The following KRT72 variants were observed in gnomAD, a reference collection of about 807,000 sequenced individuals.
KRT72 encodes the protein keratin 72, also known as keratin, type II cytoskeletal 72.
Under a neutral mutation model 44.7 loss-of-function variants are expected in KRT72, and 44 were observed. That is an observed-to-expected ratio of 0.98 (90% CI 0.77 to 1.27). The LOEUF is 1.27. Among genes scored for constraint, KRT72 ranks in the 50% most tolerant of loss-of-function variants. KRT72 has a pLI of 0.00. For synonymous variants in KRT72, 302 were observed against 280.4 expected (o/e 1.08, Z -0.77); for missense variants, 736 against 667.1 (o/e 1.10, Z -1.14).
chr12:52,587,091 C>T, intron 7 of KRT72, 111 bp from the exon 8 acceptor site: 1 of 948,702 alleles, frequency 1.1e-6, no homozygotes. Context: ...TTCCCAAACC[C>T]ATCCTAGCCT....
Position 52,590,949 on chromosome 12 carries a change from G to A in KRT72, c.976C>T (p.Gln326Ter). The change falls in exon 6 of 9, where the codon CAG becomes TAG. Residue 326 changes from glutamine (Q) to a stop codon, truncating the protein, a stop_gained. Transcript: ENST00000293745. LOFTEE classifies it high-confidence loss of function. The part of the protein sequence containing the change: ...TLYQTKIQEL[Q>*]VTAGQHGDDL... ...TCCCCATGCTGGCCTGCTGTGACCT[G>A]CAGCTCCTGGATCTGAGGTTGGGTG... The A allele has an allele frequency of 6.3e-7, 1 of 1,594,542 alleles. No individual in the cohort carries two copies. The highest frequency in any genetic ancestry group is 8.6e-7 in the Non-Finnish European group (1 of 1,166,654).
At chr12:52,599,632 A>G (rs1015033021) in intron 1 of KRT72, among the ~76,000 whole-genome samples, 14 of 152,164 alleles carry the variant, frequency 9.2e-5, no homozygotes, top group African/African-American at 3.4e-4. Flanking sequence ...CCTCTGCCAC[A>G]CACCAGCATT....
chr12:52,596,834 A>G (rs1940243071), intron 2 of KRT72, among the ~76,000 whole-genome samples: 1 of 152,224 alleles, frequency 6.6e-6, no homozygotes, highest in Admixed American at 6.5e-5. Context: ...TACAGGCCAC[A>G]AGAAGTAAAC....
upstream of KRT72, among the ~76,000 whole-genome samples, chr12:52,602,648 C>G (rs939564566): frequency 7.2e-5 from 11 of 152,206 alleles, no homozygotes; most frequent in Non-Finnish European, 8.8e-5. Context: ...CTGGATTCAC[C>G]CTTCCCTCCT....
In KRT72 at chr12:52,585,882, G is replaced by T; in HGVS notation, c.*100C>A. On this transcript the variant is annotated 3_prime_UTR_variant, in exon 9 of 9. Coordinates refer to ENST00000293745, the MANE Select transcript of KRT72 (RefSeq NM_080747.3). ...AAATGGGGTTGGGACTGTAGTGACA[G>T]ACAAAGCATTTCTTGACTTGGAAAG... The T allele has an allele frequency of 1.8e-6, 2 of 1,107,508 alleles. No individual in the cohort carries two copies. Among genetic ancestry groups the T allele is most frequent in the Non-Finnish European group, 2.7e-6 (2 of 752,342 alleles). 68.6% of individuals were successfully genotyped at this position (1,107,508 alleles called of 1,614,324 possible).
chr12:52,592,860 G>C (rs759449460), intron 3 of KRT72, 32 bp downstream of exon 3: 1 of 1,604,550 alleles, frequency 6.2e-7, no homozygotes, highest in Non-Finnish European at 8.5e-7. Flanking sequence ...TCAGGTCTAG[G>C]CTTCTTCCAG....
chr12:52,586,594 T>C (rs1939757049), intron 8 of KRT72, among the ~76,000 whole-genome samples: 1 of 152,220 alleles, frequency 6.6e-6, no homozygotes, highest in African/African-American at 2.4e-5. Flanking sequence ...CTATTCCATC[T>C]CATTCATTCA....
rs369998532 is a variant in KRT72 at position 52,586,007 on chromosome 12, C to A, written c.1511G>T (p.Cys504Phe). 4 of 1,613,636 alleles carry A rather than the reference C, an allele frequency of 2.5e-6. No homozygotes were observed. The African/African-American group carries it at 5.3e-5, about 22-fold the overall frequency. The stretch of plus-strand genomic sequence containing the variant: ...TCATCTGGAGGCCTTTTTGGTGGCA[C>A]AGCTGCTCCCCGAGGTTTTGGCAAG... ...DPLAKTSGSS[C>F]ATKKASR is the part of the protein sequence containing the mutation. Residue 504 changes from cysteine (C) to phenylalanine (F), a missense_variant, in exon 9 of 9, where the codon TGT becomes TTT. Coordinates refer to ENST00000293745, the MANE Select transcript of KRT72 (RefSeq NM_080747.3).
At position 52,601,181 on chromosome 12, in the gene KRT72, A is replaced by G; in HGVS notation, c.272T>C (p.Val91Ala). The G allele has an allele frequency of 6.2e-7, 1 of 1,613,086 alleles. No individual in the cohort carries two copies. Among genetic ancestry groups the G allele is most frequent in the Non-Finnish European group, 8.5e-7 (1 of 1,179,476 alleles). ...CTGAGGGATGCCCCCGGGTGGGCACACGGAGGGACACTTGGGCCCCAGCCC... is the reference window on the plus strand; with the variant it reads ...CTGAGGGATGCCCCCGGGTGGGCACGCGGAGGGACACTTGGGCCCCAGCCC... ...SAGLGPKCPS[V>A]CPPGGIPQVT... The change falls in exon 1 of 9, where the codon GTG becomes GCG. Residue 91 changes from valine (V) to alanine (A), a missense_variant. Coordinates refer to ENST00000293745, the MANE Select transcript of KRT72 (RefSeq NM_080747.3).
chr12:52,587,224 T>C (rs1054994481), intron 7 of KRT72, among the ~76,000 whole-genome samples: 1 of 151,970 alleles, frequency 6.6e-6, no homozygotes, highest in Non-Finnish European at 1.5e-5. Context: ...GTGGGATCAT[T>C]AGGCCTCCAC....
chr12:52,593,435 C>A (rs927843554), intron 2 of KRT72, among the ~76,000 whole-genome samples: 2 of 152,206 alleles, frequency 1.3e-5, no homozygotes, highest in African/African-American at 4.8e-5. Context: ...GAAGCAAGGT[C>A]TAAGACACAG....
intron 6 of KRT72, among the ~76,000 whole-genome samples, chr12:52,590,571 G>C (rs540336020): frequency 6.6e-6 from 1 of 152,092 alleles, no homozygotes. Flanking sequence ...TCCTTCACCT[G>C]CTCCTTCCCC....
At chr12:52,598,029 G>A (rs1257899873) in intron 2 of KRT72, among the ~76,000 whole-genome samples, 1 of 152,188 alleles carries the variant, frequency 6.6e-6, no homozygotes, top group Non-Finnish European at 1.5e-5. Context: ...TGCATCTCTA[G>A]TTGGGCTCCA....
chr12:52,586,738 C>CT (rs1565613585), intron 8 of KRT72, among the ~76,000 whole-genome samples: 1 of 152,152 alleles, frequency 6.6e-6, no homozygotes, highest in Non-Finnish European at 1.5e-5. Flanking sequence ...ATCATTTGAT[C>CT]TTTCTATAGG....
At chr12:52,588,773 G>T (rs1280450070) in intron 6 of KRT72, among the ~76,000 whole-genome samples, 3 of 150,808 alleles carry the variant, frequency 2.0e-5, no homozygotes, top group Non-Finnish European at 4.4e-5. Flanking sequence ...AAGGCAGGTG[G>T]ATCACCTGAG....
intron 2 of KRT72, among the ~76,000 whole-genome samples, chr12:52,594,960 C>G (rs1940186095): frequency 6.6e-6 from 1 of 152,146 alleles, no homozygotes; most frequent in South Asian, 2.1e-4. Context: ...TGTCATGAAA[C>G]AGCTATTTCT....
chr12:52,595,441 T>C (rs1027016424), intron 2 of KRT72, among the ~76,000 whole-genome samples: 1 of 152,182 alleles, frequency 6.6e-6, no homozygotes, highest in Admixed American at 6.5e-5. Context: ...TCTGAGTGGA[T>C]TTTATAACAG....
upstream of KRT72, among the ~76,000 whole-genome samples, chr12:52,601,770 A>G (rs1276989290): frequency 1.3e-5 from 2 of 152,014 alleles, no homozygotes; most frequent in Non-Finnish European, 2.9e-5. Flanking sequence ...GCTGGCCTCC[A>G]ATTACTGGGG....
At position 52,601,309 on chromosome 12, in the gene KRT72, G is replaced by T; in HGVS notation, c.144C>A (p.Ser48Arg). The change falls in exon 1 of 9, where the codon AGC (serine) becomes AGA (arginine). Residue 48 changes from serine (S) to arginine (R), a missense_variant. Transcript: ENST00000293745. Reference protein sequence around the residue: ...VKGSASFGSKSLSCLGGSRSL... With the variant: ...VKGSASFGSKRLSCLGGSRSL... Reference sequence around the variant, plus strand: ...TTCGGCTGCCCCCAAGGCAGGAGAGGCTCTTGCTGCCAAAGGAGGCCGAGC... The same window carrying T: ...TTCGGCTGCCCCCAAGGCAGGAGAGTCTCTTGCTGCCAAAGGAGGCCGAGC... 6.5e-7 allele frequency: 1 copy of T among 1,547,720 alleles called. No individual in the cohort carries two copies.
Sources: allele counts gnomAD v4.1 joint callset (sites outside exome capture counted in the v4.1 genomes callset), GRCh38; gene constraint gnomAD v4.1.1; transcripts MANE v1.5; gene names NCBI Gene and HGNC (gene_info 2026-07-23, HGNC 2026-07-21).